The following NRXN3 variants were observed in gnomAD, a reference collection of about 807,000 sequenced individuals.
The protein encoded by NRXN3 is neurexin 3, also known as neurexin III.
NRXN3 carries 32 observed loss-of-function variants against 137.6 expected under a neutral mutation model. That is an observed-to-expected ratio of 0.23 (90% CI 0.18 to 0.31). The LOEUF is 0.31. Among genes scored for constraint, NRXN3 ranks in the 10% least tolerant of loss-of-function variants. NRXN3 has a pLI of 1.00. For synonymous variants in NRXN3, 798 were observed against 784.5 expected, an observed-to-expected ratio of 1.02 and a Z score of -0.29; for missense variants, 1,574 against 2,062.5, an observed-to-expected ratio of 0.76 and a Z score of 4.59.
intron 10 of NRXN3, among the ~76,000 whole-genome samples, chr14:78,841,023 G>A (rs1166519395): frequency 6.6e-6 from 1 of 152,060 alleles, no homozygotes; most frequent in Non-Finnish European, 1.5e-5. Context: ...TTAAAACTGG[G>A]AGTCTTTAAG....
chr14:79,166,320 A>G (rs1261223208), intron 15 of NRXN3, among the ~76,000 whole-genome samples: 1 of 151,716 alleles, frequency 6.6e-6, no homozygotes, highest in East Asian at 1.9e-4. Context: ...ACCTAATTTA[A>G]TCACTGACAC....
intron 4 of NRXN3, among the ~76,000 whole-genome samples, chr14:78,420,479 A>G (rs530512403): frequency 6.6e-6 from 1 of 152,302 alleles, no homozygotes; most frequent in African/African-American, 2.4e-5. Flanking sequence ...GGTTACCATG[A>G]AACTAATGTG....
chr14:78,931,813 A>G (rs1483525379), intron 10 of NRXN3, among the ~76,000 whole-genome samples: 5 of 152,318 alleles, frequency 3.3e-5, no homozygotes, highest in African/African-American at 1.2e-4. Flanking sequence ...ACTGAAGTAC[A>G]CTGGCAAATT....
intron 19 of NRXN3, among the ~76,000 whole-genome samples, chr14:79,710,516 A>G (rs918785541): frequency 3.3e-5 from 5 of 152,168 alleles, no homozygotes; most frequent in African/African-American, 1.2e-4. Flanking sequence ...CCACAATAAG[A>G]GTGCTATTGT....
intron 15 of NRXN3, among the ~76,000 whole-genome samples, chr14:79,206,242 C>A (rs545001006): frequency 6.6e-6 from 1 of 152,218 alleles, no homozygotes; most frequent in South Asian, 2.1e-4. Context: ...CCTACTATGC[C>A]AGACATTCTT....
chr14:78,465,658 C>T (rs948228546), intron 4 of NRXN3, among the ~76,000 whole-genome samples: 1 of 151,848 alleles, frequency 6.6e-6, no homozygotes, highest in African/African-American at 2.4e-5. Flanking sequence ...CTGCCTCACT[C>T]TCCCGAGTAG....
chr14:78,521,114 T>G (rs1340571852), intron 4 of NRXN3, among the ~76,000 whole-genome samples: 3 of 152,184 alleles, frequency 2.0e-5, no homozygotes, highest in African/African-American at 7.2e-5. Flanking sequence ...TGGAATAATT[T>G]ATGGGGGATC....
intron 15 of NRXN3, among the ~76,000 whole-genome samples, chr14:79,136,403 C>T (rs557979615): frequency 6.6e-6 from 1 of 152,316 alleles, no homozygotes; most frequent in Admixed American, 6.5e-5. Context: ...ATAGTTTCTC[C>T]TGTTTCCTTT....
At chr14:79,121,628 C>T (rs1323393184) in intron 15 of NRXN3, among the ~76,000 whole-genome samples, 2 of 152,166 alleles carry the variant, frequency 1.3e-5, no homozygotes, top group Non-Finnish European at 2.9e-5. Context: ...AAGCAATACC[C>T]TATATGCTGT....
At chr14:78,860,802 G>C (rs2099070284) in intron 10 of NRXN3, among the ~76,000 whole-genome samples, 1 of 152,068 alleles carries the variant, frequency 6.6e-6, no homozygotes, top group Non-Finnish European at 1.5e-5. Context: ...GGTTGAGGAG[G>C]AGGAAGAGAG....
intron 16 of NRXN3, among the ~76,000 whole-genome samples, chr14:79,546,841 C>A (rs974172272): frequency 6.6e-6 from 1 of 152,164 alleles, no homozygotes; most frequent in African/African-American, 2.4e-5. Flanking sequence ...TCTTAAAAAA[C>A]TGGAGCTCAT....
intron 10 of NRXN3, among the ~76,000 whole-genome samples, chr14:78,819,496 A>C (rs1301397722): frequency 6.6e-6 from 1 of 152,148 alleles, no homozygotes; most frequent in Non-Finnish European, 1.5e-5. Context: ...TGCACATAAT[A>C]TAAGACACCA....
At chr14:79,621,105 T>A (rs1422032634) in intron 16 of NRXN3, among the ~76,000 whole-genome samples, 19 of 152,212 alleles carry the variant, frequency 1.2e-4, no homozygotes. Context: ...TCAGCATTAG[T>A]TTCCTTGTCT....
intron 3 of NRXN3, among the ~76,000 whole-genome samples, chr14:78,281,698 T>C (rs1012342963): frequency 1.3e-5 from 2 of 152,174 alleles, no homozygotes; most frequent in Admixed American, 6.5e-5. Context: ...TCTGACATTC[T>C]CTTAACCCTC....
intron 15 of NRXN3, among the ~76,000 whole-genome samples, chr14:79,390,473 T>C (rs773705509): frequency 5.3e-5 from 8 of 152,170 alleles, no homozygotes; most frequent in Non-Finnish European, 1.0e-4. Context: ...TTCCAAAATA[T>C]GTAAATGAAA....
At chr14:79,333,224 G>A (rs2091935028) in intron 15 of NRXN3, among the ~76,000 whole-genome samples, 1 of 152,034 alleles carries the variant, frequency 6.6e-6, no homozygotes, top group South Asian at 2.1e-4. Flanking sequence ...ACACTGGGGG[G>A]ATAGAGACTC....
intron 17 of NRXN3, among the ~76,000 whole-genome samples, chr14:79,674,246 C>A (rs138858748): frequency 4.9e-4 from 75 of 152,022 alleles, no homozygotes; most frequent in African/African-American, 1.8e-3. Flanking sequence ...CCATGGAATT[C>A]TTTCTTTTAC....
At chr14:79,694,944 T>C (rs950952764) in intron 18 of NRXN3, among the ~76,000 whole-genome samples, 1 of 151,986 alleles carries the variant, frequency 6.6e-6, no homozygotes, top group Non-Finnish European at 1.5e-5. Flanking sequence ...TATGGCAAGA[T>C]GAAAAACTGA....
chr14:78,926,965 T>TA (rs2099305874), intron 10 of NRXN3, among the ~76,000 whole-genome samples: 1 of 56,884 alleles, frequency 1.8e-5, no homozygotes, highest in Non-Finnish European at 2.8e-5. Context: ...ATAATATATA[T>TA]ATAATATATA....
Sources: allele counts gnomAD v4.1 joint callset (sites outside exome capture counted in the v4.1 genomes callset), GRCh38; gene constraint gnomAD v4.1.1; transcripts MANE v1.5; gene names NCBI Gene and HGNC (gene_info 2026-07-23, HGNC 2026-07-21).